Variants in NRXN1 observed in about 807,000 individuals in gnomAD.
NRXN1 encodes neurexin-1.
NRXN1 carries 39 observed loss-of-function variants against 150.9 expected under a neutral mutation model. That is an observed-to-expected ratio of 0.26 (90% confidence interval 0.20 to 0.34). The LOEUF is 0.34. Ranked by LOEUF, NRXN1 falls within the 10% of genes least tolerant of loss-of-function variation. The pLI, the probability that NRXN1 is intolerant of heterozygous loss-of-function variation, is 1.00. For missense variants in NRXN1, 1,815 were observed against 1,949.9 expected (o/e 0.93, Z 1.30); for synonymous variants, 924 against 757.0 (o/e 1.22, Z -3.62).
intron 2 of NRXN1, among the ~76,000 whole-genome samples, chr2:50,991,685 A>G (rs1286389087): frequency 6.6e-6 from 1 of 152,062 alleles, no homozygotes. Context: ...ACCAGAAAAT[A>G]GTCTGACATC....
At chr2:50,883,090 T>C (rs926335882) in intron 5 of NRXN1, among the ~76,000 whole-genome samples, 14 of 152,008 alleles carry the variant, frequency 9.2e-5, no homozygotes, top group African/African-American at 3.4e-4. Context: ...GCTATTATTC[T>C]TAAAATGAAA....
intron 10 of NRXN1, among the ~76,000 whole-genome samples, chr2:50,531,868 G>C (rs1395192861): frequency 1.3e-5 from 2 of 152,002 alleles, no homozygotes; most frequent in African/African-American, 4.8e-5. Context: ...TTGTTTGTTT[G>C]AGACAAGGTC....
chr2:50,956,033 G>C (rs1692224815), intron 2 of NRXN1, among the ~76,000 whole-genome samples: 1 of 152,056 alleles, frequency 6.6e-6, no homozygotes, highest in South Asian at 2.1e-4. Context: ...TCCTCTTGAG[G>C]TATGATTCTT....
chr2:50,897,460 T>C (rs777980838), intron 5 of NRXN1, among the ~76,000 whole-genome samples: 11 of 152,218 alleles, frequency 7.2e-5, no homozygotes, highest in Non-Finnish European at 1.3e-4. Flanking sequence ...CAAGGGATTA[T>C]TTTAGGTGCT....
chr2:50,252,258 C>CTTTTTTTTTTTTTTTTTTTTTTTTTTTT (rs143522284), intron 17 of NRXN1, among the ~76,000 whole-genome samples: 5 of 69,706 alleles, frequency 7.2e-5, no homozygotes, highest in Admixed American at 2.3e-4. Flanking sequence ...TTTTTCTTTT[C>CTTTTTTTTTTTTTTTTTTTTTTTTTTTT]TTTTTTTTTT....
intron 2 of NRXN1, among the ~76,000 whole-genome samples, chr2:51,023,091 T>C (rs989854769): frequency 1.3e-5 from 2 of 152,198 alleles, no homozygotes; most frequent in African/African-American, 4.8e-5. Flanking sequence ...GAAAGAATTG[T>C]ATTTTTCCCC....
At chr2:49,939,534 A>C (rs377753055) in intron 22 of NRXN1, among the ~76,000 whole-genome samples, 55 of 152,292 alleles carry the variant, frequency 3.6e-4, no homozygotes, top group African/African-American at 1.2e-3. Context: ...AGTGTGGCTA[A>C]AATCAAGTAT....
chr2:50,439,755 T>C (rs1405591112), intron 17 of NRXN1, among the ~76,000 whole-genome samples: 1 of 151,240 alleles, frequency 6.6e-6, no homozygotes, highest in Non-Finnish European at 1.5e-5. Context: ...AGGCAGAGCT[T>C]GCAGTGAACC....
intron 5 of NRXN1, among the ~76,000 whole-genome samples, chr2:50,647,592 A>G (rs1685004660): frequency 6.6e-6 from 1 of 151,986 alleles, no homozygotes; most frequent in Non-Finnish European, 1.5e-5. Context: ...TAAATTGGCA[A>G]CTCATATAAA....
At chr2:50,555,816 G>T (rs760087197) in intron 8 of NRXN1, among the ~76,000 whole-genome samples, 1 of 152,120 alleles carries the variant, frequency 6.6e-6, no homozygotes, top group Non-Finnish European at 1.5e-5. Flanking sequence ...AAACTTATGT[G>T]CATATCCAGT....
In NRXN1 at chr2:50,623,635, A is replaced by G; in HGVS notation, c.833-20T>C. ...CTTTTCCTAGAGGAAAACAGATGAT[A>G]CATACATAAGTAAACAAATACACTA... On this transcript the variant is annotated intron_variant, in intron 5 of 22. Coordinates refer to ENST00000401669, the MANE Select transcript of NRXN1 (RefSeq NM_001330078.2). The G allele has an allele frequency of 6.4e-7, 1 of 1,573,924 alleles. No homozygotes were observed. Among genetic ancestry groups the G allele is most frequent in the Non-Finnish European group, 8.7e-7 (1 of 1,148,324 alleles).
chr2:50,214,133 T>G (rs533907773), intron 18 of NRXN1, among the ~76,000 whole-genome samples: 1 of 151,976 alleles, frequency 6.6e-6, no homozygotes, highest in African/African-American at 2.4e-5. Context: ...ATATTAGTCA[T>G]AACTTTGATT....
intron 2 of NRXN1, among the ~76,000 whole-genome samples, chr2:50,969,819 G>T (rs1040497916): frequency 3.9e-5 from 6 of 152,096 alleles, no homozygotes; most frequent in African/African-American, 1.4e-4. Flanking sequence ...TTGATTAATT[G>T]GAGAAAAGAC....
intron 5 of NRXN1, among the ~76,000 whole-genome samples, chr2:50,744,052 T>C (rs1330922139): frequency 2.6e-5 from 4 of 152,156 alleles, no homozygotes; most frequent in Non-Finnish European, 1.5e-5. Context: ...AGCCTTTTCT[T>C]TCAAGTGTTA....
At chr2:50,914,049 T>C (rs529611669) in intron 5 of NRXN1, among the ~76,000 whole-genome samples, 3 of 151,742 alleles carry the variant, frequency 2.0e-5, no homozygotes, top group Non-Finnish European at 4.4e-5. Flanking sequence ...AGGACATACA[T>C]TTTAAGCAAA....
At chr2:50,504,512 A>T (rs1348953014) in intron 13 of NRXN1, among the ~76,000 whole-genome samples, 3 of 152,138 alleles carry the variant, frequency 2.0e-5, no homozygotes, top group African/African-American at 7.2e-5. Context: ...TATTCTTTGT[A>T]TTATTTTTGG....
intron 17 of NRXN1, among the ~76,000 whole-genome samples, chr2:50,354,423 A>G (rs1249919894): frequency 6.6e-6 from 1 of 151,684 alleles, no homozygotes; most frequent in African/African-American, 2.4e-5. Context: ...CCCATCTGTA[A>G]AAAAGGTTAA....
chr2:50,181,665 C>T (rs545096492), intron 18 of NRXN1, among the ~76,000 whole-genome samples: 3 of 152,072 alleles, frequency 2.0e-5, no homozygotes, highest in South Asian at 2.1e-4. Context: ...AATAAATATG[C>T]TCTGACATTA....
At chr2:50,928,847 C>T (rs1687311074) in intron 2 of NRXN1, among the ~76,000 whole-genome samples, 1 of 152,084 alleles carries the variant, frequency 6.6e-6, no homozygotes. Context: ...CTAATCCTTG[C>T]TGAGTAAATG....
Sources: allele counts gnomAD v4.1 joint callset (sites outside exome capture counted in the v4.1 genomes callset), GRCh38; gene constraint gnomAD v4.1.1; transcripts MANE v1.5; gene names NCBI Gene and HGNC (gene_info 2026-07-23, HGNC 2026-07-21).